ZBTB7B: variants seen among roughly 807,000 people sequenced by gnomAD.
ZBTB7B encodes the protein zinc finger and BTB domain containing 7B.
ZBTB7B carries 8 observed loss-of-function variants against 31.0 expected under a neutral mutation model. The ratio of observed to expected loss-of-function variants is 0.26; its 90% CI spans 0.15 to 0.47. ZBTB7B has a LOEUF of 0.47. Ranked by LOEUF, ZBTB7B falls within the 20% of genes least tolerant of loss-of-function variation. The probability of loss-of-function intolerance (pLI) is 0.99; values close to 1 mark genes in which losing one functional copy is unlikely to be tolerated. For synonymous variants in ZBTB7B, 261 were observed against 307.3 expected (o/e 0.85, Z 1.58); for missense variants, 494 against 742.4 (o/e 0.67, Z 3.89).
At chr1:155,007,304 C>T (rs938527703) in intron 1 of ZBTB7B, among the ~76,000 whole-genome samples, 3 of 152,210 alleles carry the variant, frequency 2.0e-5, no homozygotes, top group African/African-American at 7.2e-5. Context: ...TGAACTCCCT[C>T]CCTGCCCCCT....
rs1658360006 is a variant in ZBTB7B at position 155,003,375 on chromosome 1, G to A, written c.-7+432G>A. On this transcript the variant is annotated intron_variant, in intron 1 of 2. Coordinates refer to ENST00000535420, the MANE Select transcript of ZBTB7B (RefSeq NM_001256455.2). The surrounding 1 kb of genome is among the most constrained non-coding windows in gnomAD (Gnocchi z 5.8). Reference sequence around the variant, plus strand: ...AACGCGCACCCCCCCCCCACCCCGCGCCCCCTGGCGCGGTGGATTGGCCCC... The same window carrying A: ...AACGCGCACCCCCCCCCCACCCCGCACCCCCTGGCGCGGTGGATTGGCCCC... Among the ~76,000 whole-genome samples, 1 of 151,900 alleles carries A rather than the reference G, an allele frequency of 6.6e-6. No homozygotes were observed. The highest frequency in any genetic ancestry group is 1.5e-5 in the Non-Finnish European group (1 of 67,894).
At chr1:155,012,266 G>A (rs1011553802) in intron 1 of ZBTB7B, among the ~76,000 whole-genome samples, 13 of 151,940 alleles carry the variant, frequency 8.6e-5, no homozygotes, top group African/African-American at 3.1e-4. Flanking sequence ...AATGGGTGGG[G>A]TGGGCAGGGA....
Position 155,016,527 on chromosome 1 carries a change from A to C in ZBTB7B, c.1462A>C (p.Asn488His). ...AASPAGLDLS[N>H]GHLDTFRLSL... ...ATCCCCCGCTGGCCTCGACCTCTCC[A>C]ATGGCCACCTGGACACCTTCCGCCT... The change falls in exon 3 of 3, where the codon AAT becomes CAT. Residue 488 changes from asparagine to histidine, a missense_variant. Physicochemically the swap from Asn to His is moderately conservative, Grantham distance 68 (BLOSUM62 1). This residue lies in a region of ZBTB7B where 101 missense variants were observed against 119.5 expected (regional missense o/e 0.85). Coordinates refer to ENST00000535420, the MANE Select transcript of ZBTB7B (RefSeq NM_001256455.2). The surrounding 1 kb of genome is among the most constrained non-coding windows in gnomAD (Gnocchi z 4.3). The C allele has an allele frequency of 6.2e-7, 1 of 1,613,988 alleles. No individual in the cohort carries two copies. The highest frequency in any genetic ancestry group is 8.5e-7 in the Non-Finnish European group (1 of 1,179,942).
At position 155,015,833 on chromosome 1, in the gene ZBTB7B, A is replaced by C. The variant is rs1659360273; in HGVS notation, c.1154+19A>C. ...TCACCAGGTGAGCAGCAAGGGGGGA[A>C]GGGCCCGGCAGGGGCCATGGGTAGG... On this transcript the variant is annotated intron_variant, in intron 2 of 2. Transcript: ENST00000535420. The C allele has an allele frequency of 2.5e-6, 4 of 1,600,850 alleles. No individual in the cohort carries two copies. The Admixed American group carries it at 6.7e-5, about 27-fold the overall frequency.
chr1:155,015,138 C>G lies in ZBTB7B; in HGVS notation c.478C>G (p.Arg160Gly). The stretch of plus-strand genomic sequence containing the variant: ...GGACGAGGATGACTGTGAGCGAGCC[C>G]GCCAGTATCTGGAGGCCTTTGCCAC... ...SPDEDDCERA[R>G]QYLEAFATAT... The change falls in exon 2 of 3, where the codon CGC (arginine) becomes GGC (glycine). Residue 160 changes from arginine (R) to glycine (G), a missense_variant. Physicochemically the swap from Arg to Gly is moderately radical, Grantham distance 125 (BLOSUM62 -2). Around this residue, in one of 5 missense-constraint regions of ZBTB7B, gnomAD observed 90 missense variants for 143.2 expected, o/e 0.63. Coordinates refer to ENST00000535420, the MANE Select transcript of ZBTB7B (RefSeq NM_001256455.2). 1 of 1,613,682 alleles carries G rather than the reference C, an allele frequency of 6.2e-7. No homozygotes were observed. The highest frequency in any genetic ancestry group is 1.1e-5 in the South Asian group (1 of 91,084).
chr1:155,010,851 G>A lies in ZBTB7B; in HGVS notation c.-6-3804G>A, dbSNP rs80147701. Reference sequence around the variant, plus strand: ...GAAAGGAGACAGAAGTAAGGGGGAGGGGTGGCCAGCCAAGGCACCAGGAGC... The same window carrying A: ...GAAAGGAGACAGAAGTAAGGGGGAGAGGTGGCCAGCCAAGGCACCAGGAGC... On this transcript the variant is annotated intron_variant, in intron 1 of 2. Transcript: ENST00000535420. 393 of 1,341,162 alleles carry A rather than the reference G, an allele frequency of 2.9e-4. 4 individuals carry two copies. In the East Asian group the frequency reaches 7.1e-3, roughly 24 times the overall value. The allele number at this position is 1,341,162 out of a possible 1,614,324, so 83.1% of individuals were successfully genotyped here.
At position 155,015,422 on chromosome 1, in the gene ZBTB7B, C is replaced by T. The variant is rs778129443; in HGVS notation, c.762C>T (p.Tyr254=). Residue 254 remains tyrosine, a synonymous_variant, in exon 2 of 3, where the codon TAC becomes TAT. Transcript: ENST00000535420. ...SSGGSGPGDS[Y]SPPTGTASPP... ...GGGGCAGTGGGCCGGGGGACAGCTA[C>T]AGCCCTCCCACAGGAACTGCCTCCC... 6.4e-7 allele frequency: 1 copy of T among 1,571,966 alleles called. No homozygotes were observed. Among genetic ancestry groups the T allele is most frequent in the Non-Finnish European group, 8.6e-7 (1 of 1,157,202 alleles).
chr1:155,002,092 T>C (rs540533144), upstream of ZBTB7B, among the ~76,000 whole-genome samples: 2 of 151,082 alleles, frequency 1.3e-5, no homozygotes, highest in South Asian at 2.1e-4. Flanking sequence ...CTCGATTCCC[T>C]GGCCGCTGCG....
intron 1 of ZBTB7B, among the ~76,000 whole-genome samples, chr1:155,012,856 G>A (rs1014641368): frequency 1.4e-5 from 2 of 144,172 alleles, no homozygotes; most frequent in African/African-American, 5.2e-5. Flanking sequence ...GGTCTGAACA[G>A]CTGCTGGAGT....
At chr1:155,002,615 G>A (rs1658302178), upstream of ZBTB7B, 1 of 95,878 alleles carries the variant, frequency 1.0e-5, no homozygotes, top group East Asian at 3.7e-4. Flanking sequence ...TTTGGGGGGT[G>A]GCAGGGGCGG....
At chr1:155,009,759 C>T (rs983505303) in intron 1 of ZBTB7B, among the ~76,000 whole-genome samples, 1 of 152,144 alleles carries the variant, frequency 6.6e-6, no homozygotes, top group Admixed American at 6.6e-5. Context: ...GGAAGGCAGG[C>T]CTGGTCCCTG....
rs566124976 is a variant in ZBTB7B, at chr1:155,015,109, G to A, written c.449G>A (p.Ser150Asn). The A allele has an allele frequency of 1.9e-6, 3 of 1,613,572 alleles. No individual in the cohort carries two copies. The highest frequency in any genetic ancestry group is 2.5e-6 in the Non-Finnish European group (3 of 1,180,022). ...ILQGSGLEAP[S>N]PDEDDCERAR... ...CAGGGCAGTGGGCTAGAAGCTCCCA[G>A]CCCGGACGAGGATGACTGTGAGCGA... The change falls in exon 2 of 3, where the codon AGC becomes AAC. Residue 150 changes from serine (S) to asparagine (N), a missense_variant. This residue lies in a region of ZBTB7B where 90 missense variants were observed against 143.2 expected (regional missense o/e 0.63). Coordinates refer to ENST00000535420, the MANE Select transcript of ZBTB7B (RefSeq NM_001256455.2).
intron 1 of ZBTB7B, among the ~76,000 whole-genome samples, chr1:155,006,190 C>T (rs1186743901): frequency 6.6e-6 from 1 of 152,172 alleles, no homozygotes; most frequent in Non-Finnish European, 1.5e-5. Context: ...ACAAAGCTAC[C>T]TTTAACAAAT....
At chr1:155,014,395 G>A (rs1184893992) in intron 1 of ZBTB7B, 7 of 501,776 alleles carry the variant, frequency 1.4e-5, no homozygotes, top group South Asian at 2.7e-5. Context: ...AACAAGGACC[G>A]GGCCCACTCC....
rs6673081 is a variant in ZBTB7B at position 155,017,119 on chromosome 1, T to C, written c.*434T>C. The C allele has an allele frequency of 0.58, 94,122 of 160,984 alleles. 28,111 individuals carry two copies. Among genetic ancestry groups the C allele is most frequent in the East Asian group, 0.9 (4,965 of 5,524 alleles). The allele number at this position is 160,984 out of a possible 1,614,324, so 10.0% of individuals were successfully genotyped here. The stretch of plus-strand genomic sequence containing the variant: ...GGGGGTGAAGGACTGCCCCTCCCTT[T>C]CGAGACCCCTCCTTCCTGGTTTCTG... On this transcript the variant is annotated 3_prime_UTR_variant, in exon 3 of 3. Coordinates refer to ENST00000535420, the MANE Select transcript of ZBTB7B (RefSeq NM_001256455.2).
intron 1 of ZBTB7B, chr1:155,014,444 C>A (rs1282942214): frequency 5.0e-6 from 3 of 597,304 alleles, no homozygotes; most frequent in Non-Finnish European, 5.8e-6. Flanking sequence ...CTTGGAAAAT[C>A]ACTTCACCTG....
In ZBTB7B at chr1:155,015,207, C is replaced by G; in HGVS notation, c.547C>G (p.Gln183Glu). 6.2e-7 allele frequency: 1 copy of G among 1,613,812 alleles called. No homozygotes were observed. The highest frequency in any genetic ancestry group is 8.5e-7 in the Non-Finnish European group (1 of 1,180,018). The stretch of plus-strand genomic sequence containing the variant: ...TCCCAATGGTGAAGACAGTCCTCCA[C>G]AGGTGCCCCTCCCACCACCTCCGCC... Reference protein sequence around the residue: ...GVPNGEDSPPQVPLPPPPPPP... With the variant: ...GVPNGEDSPPEVPLPPPPPPP... Residue 183 changes from glutamine (Q) to glutamate (E), a missense_variant, in exon 2 of 3, where the codon CAG (glutamine) becomes GAG (glutamate). Transcript: ENST00000535420.
At chr1:155,006,306 T>C (rs1331529477) in intron 1 of ZBTB7B, among the ~76,000 whole-genome samples, 1 of 152,174 alleles carries the variant, frequency 6.6e-6, no homozygotes, top group African/African-American at 2.4e-5. Flanking sequence ...ATGGTTCTGC[T>C]ATGGAGGATA....
At chr1:155,002,241 A>AGAGCAGC (rs1658267828), upstream of ZBTB7B, among the ~76,000 whole-genome samples, 1 of 150,726 alleles carries the variant, frequency 6.6e-6, no homozygotes, top group African/African-American at 2.4e-5. Flanking sequence ...GGTGGCGTGC[A>AGAGCAGC]GGGGGCGGGC....
Sources: gnomAD v4.1 joint callset for allele counts (sites outside exome capture counted in the v4.1 genomes callset) on GRCh38, gnomAD v4.1.1 for gene constraint, gnomAD v4.1.1 regional missense constraint, Gnocchi (gnomAD v3.1) non-coding constraint, MANE v1.5 for transcripts, NCBI Gene and HGNC (gene_info 2026-07-23, HGNC 2026-07-21) for gene names.